NR5A2: variants seen among roughly 807,000 people sequenced by gnomAD.
NR5A2 encodes CYP7A promoter-binding factor.
Under a neutral mutation model 62.7 loss-of-function variants are expected in NR5A2, and 26 were observed. The observed-to-expected ratio is 0.41, with a 90% CI of 0.30 to 0.58. The LOEUF is 0.58. Among genes scored for constraint, NR5A2 ranks in the 20% least tolerant of loss-of-function variants. The probability of loss-of-function intolerance (pLI) is 0.22; values close to 1 mark genes in which losing one functional copy is unlikely to be tolerated. For missense variants in NR5A2, 541 were observed against 669.1 expected, an observed-to-expected ratio of 0.81 and a Z score of 2.11; for synonymous variants, 246 against 241.7, an observed-to-expected ratio of 1.02 and a Z score of -0.16.
intron 7 of NR5A2, among the ~76,000 whole-genome samples, chr1:200,137,782 T>G (rs761237346): frequency 1.2e-4 from 18 of 152,192 alleles, no homozygotes; most frequent in Non-Finnish European, 2.4e-4. Flanking sequence ...CAATTTCTTC[T>G]AATTTTTTTT....
intron 5 of NR5A2, among the ~76,000 whole-genome samples, chr1:200,090,256 T>C (rs1490409914): frequency 1.3e-5 from 2 of 152,230 alleles, no homozygotes; most frequent in African/African-American, 2.4e-5. Flanking sequence ...AAATGACTTG[T>C]GTTGATTTAA....
At chr1:200,161,194 A>G (rs938305273) in intron 7 of NR5A2, among the ~76,000 whole-genome samples, 1 of 152,146 alleles carries the variant, frequency 6.6e-6, no homozygotes, top group African/African-American at 2.4e-5. Flanking sequence ...CCTTATTGTT[A>G]AATCTATTTT....
chr1:200,051,739 C>T (rs1662643643), intron 5 of NR5A2, among the ~76,000 whole-genome samples: 1 of 152,138 alleles, frequency 6.6e-6, no homozygotes, highest in African/African-American at 2.4e-5. Context: ...TGACTATTGA[C>T]ATTTGGAAGA....
intron 2 of NR5A2, among the ~76,000 whole-genome samples, chr1:200,041,125 G>T (rs1003183307): frequency 6.6e-6 from 1 of 152,226 alleles, no homozygotes; most frequent in Non-Finnish European, 1.5e-5. Context: ...GCTCCGGAGA[G>T]GGCCTACCCT....
intron 7 of NR5A2, among the ~76,000 whole-genome samples, chr1:200,150,860 G>A (rs928350999): frequency 5.3e-5 from 8 of 152,166 alleles, no homozygotes; most frequent in African/African-American, 1.7e-4. Context: ...GTCAGAAACC[G>A]CTGCAGTGCA....
Position 200,052,882 on chromosome 1 carries a change from C to T in NR5A2, c.1110+4064C>T, listed in dbSNP as rs538641522. On this transcript the variant is annotated intron_variant, in intron 5 of 7. Transcript: ENST00000367362. The stretch of plus-strand genomic sequence containing the variant: ...GTCTTGATCTCCTGACCTTGCGATC[C>T]GCCCGCCTTGGCCTCCCAAAGTTCT... Among the ~76,000 whole-genome samples, 41 of 152,266 alleles carry T rather than the reference C, an allele frequency of 2.7e-4. 1 individual carries two copies. In the Middle Eastern group the frequency reaches 0.017, roughly 63 times the overall value.
chr1:200,038,679 C>A (rs779408417), intron 1 of NR5A2: 2 of 1,365,018 alleles, frequency 1.5e-6, no homozygotes, highest in Middle Eastern at 4.2e-4. Flanking sequence ...CGCCCCCATC[C>A]CTTCTTCTTG....
At chr1:200,062,241 G>GTGTGTGTGTGTGTGTGTGTA (rs1663260623) in intron 5 of NR5A2, among the ~76,000 whole-genome samples, 1 of 151,728 alleles carries the variant, frequency 6.6e-6, no homozygotes, top group Non-Finnish European at 1.5e-5. Context: ...GTGTGTGTGT[G>GTGTGTGTGTGTGTGTGTGTA]TGTGTGTGTG....
intron 5 of NR5A2, among the ~76,000 whole-genome samples, chr1:200,077,668 A>G (rs534745597): frequency 1.3e-5 from 2 of 152,288 alleles, no homozygotes; most frequent in African/African-American, 4.8e-5. Flanking sequence ...GAGCCAAGAT[A>G]GTGCTACTGC....
intron 5 of NR5A2, among the ~76,000 whole-genome samples, chr1:200,096,367 C>T (rs943336981): frequency 1.1e-4 from 17 of 152,246 alleles, no homozygotes; most frequent in African/African-American, 2.9e-4. Context: ...AGATTACAGG[C>T]GTGAGCCACT....
intron 5 of NR5A2, among the ~76,000 whole-genome samples, chr1:200,069,358 T>C (rs1006271522): frequency 6.6e-6 from 1 of 152,118 alleles, no homozygotes; most frequent in African/African-American, 2.4e-5. Flanking sequence ...CCTCCTGAGT[T>C]CAAGCAATTC....
intron 5 of NR5A2, among the ~76,000 whole-genome samples, chr1:200,101,786 G>C (rs988465098): frequency 1.3e-5 from 2 of 152,170 alleles, no homozygotes; most frequent in Admixed American, 6.5e-5. Context: ...CAGATATGAT[G>C]AACTTATCAT....
At chr1:200,165,068 G>A (rs569942390) in intron 7 of NR5A2, among the ~76,000 whole-genome samples, 7 of 147,904 alleles carry the variant, frequency 4.7e-5, no homozygotes, top group Non-Finnish European at 9.0e-5. Flanking sequence ...GTAGAGACAG[G>A]GTTTCACCAT....
intron 5 of NR5A2, among the ~76,000 whole-genome samples, chr1:200,071,929 C>T (rs969569198): frequency 6.6e-6 from 1 of 152,110 alleles, no homozygotes; most frequent in Non-Finnish European, 1.5e-5. Context: ...GCTTTACTTT[C>T]TGATGAAAAC....
chr1:200,060,882 T>A (rs1273278952), intron 5 of NR5A2, among the ~76,000 whole-genome samples: 4 of 142,502 alleles, frequency 2.8e-5, no homozygotes, highest in African/African-American at 1.1e-4. Context: ...GGCAGGTGGA[T>A]CACGAGGTCA....
intron 5 of NR5A2, among the ~76,000 whole-genome samples, chr1:200,078,577 A>G (rs1259842691): frequency 1.3e-5 from 2 of 149,392 alleles, no homozygotes; most frequent in African/African-American, 4.9e-5. Context: ...TTCATAATTA[A>G]GACTATTTCA....
chr1:200,046,120 T>C (rs1335571552), intron 4 of NR5A2, among the ~76,000 whole-genome samples: 2 of 152,210 alleles, frequency 1.3e-5, no homozygotes, highest in African/African-American at 4.8e-5. Flanking sequence ...TGTAGAAATG[T>C]ATTTTTTTAA....
At chr1:200,044,907 G>A (rs1656354586) in intron 3 of NR5A2, among the ~76,000 whole-genome samples, 1 of 151,276 alleles carries the variant, frequency 6.6e-6, no homozygotes, top group Non-Finnish European at 1.5e-5. Flanking sequence ...ATGTATTCCA[G>A]TGGAATTATG....
intron 5 of NR5A2, among the ~76,000 whole-genome samples, chr1:200,064,771 CT>C (rs1393546176): frequency 6.6e-6 from 1 of 152,102 alleles, no homozygotes; most frequent in African/African-American, 2.4e-5. Flanking sequence ...TTTTAATTTA[CT>C]ATCTAAACTT....
Sources: gnomAD v4.1 joint callset for allele counts (sites outside exome capture counted in the v4.1 genomes callset) on GRCh38, gnomAD v4.1.1 for gene constraint, MANE v1.5 for transcripts, NCBI Gene and HGNC (gene_info 2026-07-23, HGNC 2026-07-21) for gene names.